RABGAP1L: variants seen among roughly 807,000 people sequenced by gnomAD.
The protein encoded by RABGAP1L is rab GTPase-activating protein 1-like.
In RABGAP1L, 63 loss-of-function variants were observed where a neutral mutation model predicts 137.7. That is an observed-to-expected ratio of 0.46 (90% CI 0.37 to 0.56). The LOEUF (loss-of-function observed/expected upper bound fraction) is 0.56, where lower values mean the gene tolerates loss of function less well. Among genes scored for constraint, RABGAP1L ranks in the 20% least tolerant of loss-of-function variants. The probability of loss-of-function intolerance (pLI) is 0.00; values close to 1 mark genes in which losing one functional copy is unlikely to be tolerated. For missense variants in RABGAP1L, 1,095 were observed against 1,244.0 expected (o/e 0.88, Z 1.80); for synonymous variants, 431 against 433.7 (o/e 0.99, Z 0.08).
intron 17 of RABGAP1L, among the ~76,000 whole-genome samples, chr1:174,717,724 C>A (rs181221460): frequency 1.2e-4 from 18 of 151,988 alleles, no homozygotes; most frequent in Admixed American, 3.3e-4. Flanking sequence ...CATTTTTTTC[C>A]AAAATCAGTA....
intron 11 of RABGAP1L, among the ~76,000 whole-genome samples, chr1:174,324,486 TGAG>T (rs1245259838): frequency 2.0e-5 from 3 of 152,158 alleles, no homozygotes; most frequent in Non-Finnish European, 4.4e-5. Flanking sequence ...TTGATGAGTT[TGAG>T]TTCACTGTGG....
chr1:174,913,706 C>T (rs1660408058), intron 19 of RABGAP1L, among the ~76,000 whole-genome samples: 1 of 152,052 alleles, frequency 6.6e-6, no homozygotes, highest in African/African-American at 2.4e-5. Flanking sequence ...GAGCTGTCTG[C>T]AAAGGGTTTC....
At chr1:174,541,257 C>A (rs994642365) in intron 13 of RABGAP1L, among the ~76,000 whole-genome samples, 1 of 152,088 alleles carries the variant, frequency 6.6e-6, no homozygotes. Context: ...TTGACTTCCC[C>A]TTTTCCTAAT....
intron 19 of RABGAP1L, among the ~76,000 whole-genome samples, chr1:174,861,458 T>C (rs1650255944): frequency 6.6e-6 from 1 of 152,216 alleles, no homozygotes; most frequent in South Asian, 2.1e-4. Context: ...GCTGATTTCA[T>C]TACCTTTGGT....
intron 14 of RABGAP1L, among the ~76,000 whole-genome samples, chr1:174,665,760 C>T (rs1676745341): frequency 6.6e-6 from 1 of 152,248 alleles, no homozygotes; most frequent in African/African-American, 2.4e-5. Context: ...CCACTGTGCC[C>T]AGCCTTAGCT....
intron 19 of RABGAP1L, among the ~76,000 whole-genome samples, chr1:174,896,627 G>A (rs1390281147): frequency 1.3e-5 from 2 of 152,272 alleles, no homozygotes; most frequent in African/African-American, 2.4e-5. Flanking sequence ...TAAGGTATAA[G>A]GAAGGGATCC....
chr1:174,355,736 C>T (rs1032603390), intron 11 of RABGAP1L, among the ~76,000 whole-genome samples: 31 of 152,056 alleles, frequency 2.0e-4, no homozygotes, highest in Admixed American at 7.9e-4. Flanking sequence ...ATTAATGATA[C>T]GTTTTTATTA....
chr1:174,989,015 CAAAT>C (rs1671844708), intron 25 of RABGAP1L, among the ~76,000 whole-genome samples, 177 bp downstream of exon 25: 1 of 152,052 alleles, frequency 6.6e-6, no homozygotes, highest in Non-Finnish European at 1.5e-5. Context: ...CTGATATAAA[CAAAT>C]ATATAATTTT....
chr1:174,184,287 G>A (rs527693951), intron 1 of RABGAP1L, among the ~76,000 whole-genome samples: 3 of 152,298 alleles, frequency 2.0e-5, no homozygotes, highest in East Asian at 1.9e-4. Flanking sequence ...CAGTCTGTCT[G>A]TTCATCTACT....
intron 13 of RABGAP1L, among the ~76,000 whole-genome samples, chr1:174,538,132 C>T (rs1458521287): frequency 2.6e-5 from 4 of 152,212 alleles, no homozygotes; most frequent in Non-Finnish European, 4.4e-5. Context: ...ACAACAATCT[C>T]TGAACCCTGC....
At chr1:174,374,831 GT>G (rs980207071) in intron 12 of RABGAP1L, among the ~76,000 whole-genome samples, 8 of 152,080 alleles carry the variant, frequency 5.3e-5, no homozygotes, top group East Asian at 1.9e-4. Flanking sequence ...TGTTTGCAAA[GT>G]TTTTTTGTGT....
At chr1:174,921,313 T>C (rs1661757486) in intron 19 of RABGAP1L, among the ~76,000 whole-genome samples, 1 of 152,176 alleles carries the variant, frequency 6.6e-6, no homozygotes, top group Admixed American at 6.5e-5. Flanking sequence ...TTTTGTTTTG[T>C]TTTTTTAAAC....
chr1:174,278,786 C>T lies in RABGAP1L; in HGVS notation c.1323+7C>T. 2 of 1,511,054 alleles carry T rather than the reference C, an allele frequency of 1.3e-6. No homozygotes were observed. Among genetic ancestry groups the T allele is most frequent in the East Asian group, 2.4e-5 (1 of 41,454 alleles). The allele number at this position is 1,511,054 out of a possible 1,614,324, so 93.6% of individuals were successfully genotyped here. ...CTTCATGAGATTGAAACAGGTAGGA[C>T]CTTTTTGTTCTCTTCATATATAGTA... On this transcript the variant is annotated splice_region_variant and intron_variant, in intron 10 of 25. Transcript: ENST00000681986.
chr1:174,437,577 C>T (rs750155139), intron 13 of RABGAP1L, among the ~76,000 whole-genome samples: 9 of 152,134 alleles, frequency 5.9e-5, no homozygotes, highest in African/African-American at 1.2e-4. Flanking sequence ...TGTGAGAAGA[C>T]CAAACCTACG....
chr1:174,956,604 G>C (rs1051902948), intron 19 of RABGAP1L, among the ~76,000 whole-genome samples: 1 of 147,936 alleles, frequency 6.8e-6, no homozygotes, highest in African/African-American at 2.5e-5. Flanking sequence ...AACCTCCTTT[G>C]TTTTCAGTGT....
At chr1:174,419,801 A>T (rs1052947483) in intron 13 of RABGAP1L, among the ~76,000 whole-genome samples, 1 of 152,226 alleles carries the variant, frequency 6.6e-6, no homozygotes, top group Non-Finnish European at 1.5e-5. Flanking sequence ...ATGTGAAAGT[A>T]GGAAGAAAAG....
At chr1:174,582,191 G>C (rs2148091840) in intron 13 of RABGAP1L, among the ~76,000 whole-genome samples, 1 of 152,072 alleles carries the variant, frequency 6.6e-6, no homozygotes, top group Non-Finnish European at 1.5e-5. Flanking sequence ...GGGCAACATG[G>C]CAAAAAACCC....
At chr1:174,551,807 A>G (rs1417626149) in intron 13 of RABGAP1L, among the ~76,000 whole-genome samples, 1 of 152,178 alleles carries the variant, frequency 6.6e-6, no homozygotes, top group African/African-American at 2.4e-5. Context: ...TGAAAAATCT[A>G]AGAAGGGAAG....
rs111860319 is a variant in RABGAP1L at position 174,956,158 on chromosome 1, A to G, written c.2341-1299A>G. ...CCATTATGAGGTAGAAATTTTGTTT[A>G]CCTGCTATTTTATAGATGAAGAAAC... On this transcript the variant is annotated intron_variant, in intron 19 of 25. Transcript: ENST00000681986. 2.6e-3 allele frequency among the ~76,000 whole-genome samples: 392 copies of G among 152,248 alleles called. 4 individuals are homozygous for G. Among genetic ancestry groups the G allele is most frequent in the African/African-American group, 8.8e-3 (365 of 41,554 alleles).
Sources: allele counts gnomAD v4.1 joint callset (sites outside exome capture counted in the v4.1 genomes callset), GRCh38; gene constraint gnomAD v4.1.1; transcripts MANE v1.5; gene names NCBI Gene and HGNC (gene_info 2026-07-23, HGNC 2026-07-21).